Variants in THSD7B observed in about 807,000 individuals in gnomAD.
THSD7B encodes thrombospondin type 1 domain containing 7B, also known as thrombospondin type-1 domain-containing protein 7B.
In THSD7B, 138 loss-of-function variants were observed where a neutral mutation model predicts 213.6. The ratio of observed to expected loss-of-function variants is 0.65; its 90% CI spans 0.56 to 0.74. The LOEUF is 0.74. Ranked by LOEUF, THSD7B falls within the 30% of genes least tolerant of loss-of-function variation. The probability of loss-of-function intolerance (pLI) is 0.00; values close to 1 mark genes in which losing one functional copy is unlikely to be tolerated. For synonymous variants in THSD7B, 742 were observed against 687.0 expected (o/e 1.08, Z -1.25); for missense variants, 1,931 against 1,991.5 (o/e 0.97, Z 0.58).
chr2:137,191,380 A>G lies in THSD7B; in HGVS notation c.1723+20442A>G, dbSNP rs118096408. 5.0e-3 allele frequency among the ~76,000 whole-genome samples: 755 copies of G among 152,028 alleles called. 6 individuals carry two copies. Among genetic ancestry groups the G allele is most frequent in the Admixed American group, 0.026 (399 of 15,268 alleles). ...TCTCCTAACTATTACTTGCATTTTT[A>G]TTGTTCTCTTGCTGCATCCTCAAGG... On this transcript the variant is annotated intron_variant, in intron 7 of 27. Transcript: ENST00000409968.
At chr2:137,641,574 A>G (rs989350648) in intron 20 of THSD7B, among the ~76,000 whole-genome samples, 1 of 152,252 alleles carries the variant, frequency 6.6e-6, no homozygotes, top group Admixed American at 6.5e-5. Flanking sequence ...AGAAAGAACA[A>G]GAGTAGGAAA....
chr2:136,952,369 A>G (rs2105073729), intron 2 of THSD7B, among the ~76,000 whole-genome samples: 1 of 151,478 alleles, frequency 6.6e-6, no homozygotes, highest in East Asian at 1.9e-4. Flanking sequence ...AATGTACTAT[A>G]GATTGCATTT....
Position 136,943,690 on chromosome 2 carries a change from T to C in THSD7B, c.139+61373T>C, listed in dbSNP as rs147722322. Among the ~76,000 whole-genome samples, 185 of 152,342 alleles carry C rather than the reference T, an allele frequency of 1.2e-3. 1 individual carries two copies. The East Asian group carries it at 0.025, about 20-fold the overall frequency. On this transcript the variant is annotated intron_variant, in intron 2 of 27. Coordinates refer to ENST00000409968, the MANE Select transcript of THSD7B (RefSeq NM_001316349.2). ...GTGTAGAGATGTTTATAGTATTCTC[T>C]GATGGTAGTTTGTATTTCTGTGGGA...
intron 17 of THSD7B, among the ~76,000 whole-genome samples, chr2:137,596,488 G>T (rs1681959903): frequency 6.6e-6 from 1 of 151,954 alleles, no homozygotes; most frequent in Admixed American, 6.6e-5. Flanking sequence ...TCATGGTTAA[G>T]CATACTCTGA....
At chr2:136,973,089 C>T (rs1313588183) in intron 2 of THSD7B, among the ~76,000 whole-genome samples, 1 of 152,166 alleles carries the variant, frequency 6.6e-6, no homozygotes, top group African/African-American at 2.4e-5. Context: ...CCAGTCCACT[C>T]CAACACTCCT....
intron 24 of THSD7B, among the ~76,000 whole-genome samples, chr2:137,658,868 T>C (rs1359706341): frequency 6.6e-6 from 1 of 152,224 alleles, no homozygotes; most frequent in African/African-American, 2.4e-5. Flanking sequence ...ATTGTACTTA[T>C]CCAAACGCTA....
intron 5 of THSD7B, among the ~76,000 whole-genome samples, chr2:137,150,812 A>G (rs1467509553): frequency 6.6e-6 from 1 of 152,182 alleles, no homozygotes; most frequent in Non-Finnish European, 1.5e-5. Flanking sequence ...GCTATATGGT[A>G]TGGCCTAATG....
chr2:137,487,393 A>AAAAAAAAAAAAC, intron 15 of THSD7B, among the ~76,000 whole-genome samples: 1 of 143,360 alleles, frequency 7.0e-6, no homozygotes, highest in African/African-American at 2.6e-5. Flanking sequence ...AAAAAAAAAA[A>AAAAAAAAAAAAC]AAAAAAGAAC....
intron 12 of THSD7B, among the ~76,000 whole-genome samples, chr2:137,394,642 C>T (rs1452032469): frequency 2.9e-5 from 4 of 137,726 alleles, no homozygotes; most frequent in Non-Finnish European, 6.4e-5. Context: ...CTTGGCGATG[C>T]GGGCTCTTTT....
intron 15 of THSD7B, among the ~76,000 whole-genome samples, chr2:137,519,278 A>G (rs949296638): frequency 3.3e-5 from 5 of 152,104 alleles, no homozygotes; most frequent in Non-Finnish European, 7.3e-5. Context: ...AAATAAATAG[A>G]AAAAGGAAAA....
At chr2:137,231,628 C>G (rs2105055015) in intron 8 of THSD7B, among the ~76,000 whole-genome samples, 1 of 152,280 alleles carries the variant, frequency 6.6e-6, no homozygotes, top group South Asian at 2.1e-4. Context: ...AATCAGGAGA[C>G]ATGGCTTCTC....
At chr2:136,894,626 CT>C (rs56746183) in intron 2 of THSD7B, among the ~76,000 whole-genome samples, 1,762 of 152,230 alleles carry the variant, frequency 0.012, 38 homozygotes, top group African/African-American at 0.04. Context: ...ACTAATGCTA[CT>C]TTTTATTTCT....
chr2:137,057,720 A>AT (rs35048486), intron 3 of THSD7B, among the ~76,000 whole-genome samples: 5 of 152,090 alleles, frequency 3.3e-5, no homozygotes, highest in African/African-American at 9.6e-5. Flanking sequence ...TGTGTTGTAC[A>AT]TTTTTTATAC....
chr2:136,978,259 T>C (rs1443951323), intron 2 of THSD7B, among the ~76,000 whole-genome samples: 1 of 152,252 alleles, frequency 6.6e-6, no homozygotes, highest in East Asian at 1.9e-4. Flanking sequence ...GAAGAATGTA[T>C]ATTCTGTTGT....
At chr2:137,045,803 A>C (rs1260450180) in intron 2 of THSD7B, among the ~76,000 whole-genome samples, 1 of 152,154 alleles carries the variant, frequency 6.6e-6, no homozygotes, top group Admixed American at 6.5e-5. Context: ...TGGGTACCCC[A>C]TTGCTGTATA....
At chr2:137,459,382 A>G (rs1382837535) in intron 15 of THSD7B, among the ~76,000 whole-genome samples, 3 of 152,134 alleles carry the variant, frequency 2.0e-5, no homozygotes, top group African/African-American at 7.2e-5. Flanking sequence ...TTCAAGATAG[A>G]AAGACCCAGT....
chr2:137,188,312 T>A (rs1680590097), intron 7 of THSD7B, among the ~76,000 whole-genome samples: 1 of 152,160 alleles, frequency 6.6e-6, no homozygotes, highest in Non-Finnish European at 1.5e-5. Flanking sequence ...ATATTTCATG[T>A]TTCAGACCAG....
chr2:137,605,661 T>C (rs1176825407), intron 17 of THSD7B, among the ~76,000 whole-genome samples: 2 of 57,506 alleles, frequency 3.5e-5, no homozygotes, highest in South Asian at 9.1e-4. Context: ...TTTTTTTTTT[T>C]TTTTTTTTTT....
At chr2:137,374,019 T>C (rs919325431) in intron 12 of THSD7B, among the ~76,000 whole-genome samples, 6 of 152,088 alleles carry the variant, frequency 3.9e-5, no homozygotes, top group Admixed American at 1.3e-4. Flanking sequence ...AGATATGCGG[T>C]GTTATTTCTG....
Sources: gnomAD v4.1 joint callset for allele counts (sites outside exome capture counted in the v4.1 genomes callset) on GRCh38, gnomAD v4.1.1 for gene constraint, MANE v1.5 for transcripts, NCBI Gene and HGNC (gene_info 2026-07-23, HGNC 2026-07-21) for gene names.